The following RSRC1 variants were observed in gnomAD, a reference collection of about 807,000 sequenced individuals.
The protein encoded by RSRC1 is serine/Arginine-related protein 53.
RSRC1 carries 39 observed loss-of-function variants against 49.1 expected under a neutral mutation model. That is an observed-to-expected ratio of 0.79 (90% CI 0.61 to 1.04). The LOEUF is 1.04. RSRC1 is among the 50% of genes least tolerant of loss of function. RSRC1 has a pLI of 0.00. For synonymous variants in RSRC1, 143 were observed against 130.8 expected, an observed-to-expected ratio of 1.09 and a Z score of -0.63; for missense variants, 388 against 402.4, an observed-to-expected ratio of 0.96 and a Z score of 0.31.
intron 7 of RSRC1, among the ~76,000 whole-genome samples, chr3:158,495,162 C>A (rs939302098): frequency 1.3e-5 from 2 of 152,062 alleles, no homozygotes; most frequent in African/African-American, 4.8e-5. Context: ...GTGGAACCAC[C>A]GTTGTGTATT....
At chr3:158,304,110 A>G (rs1473147119) in intron 5 of RSRC1, among the ~76,000 whole-genome samples, 2 of 152,136 alleles carry the variant, frequency 1.3e-5, no homozygotes, top group African/African-American at 4.8e-5. Flanking sequence ...GTGATGTCCT[A>G]CTTGTCCTTG....
intron 5 of RSRC1, among the ~76,000 whole-genome samples, chr3:158,330,917 C>T (rs965540859): frequency 2.7e-5 from 4 of 148,788 alleles, no homozygotes; most frequent in South Asian, 2.1e-4. Flanking sequence ...TTAATGGACT[C>T]ACAGCTCCAT....
At chr3:158,522,370 A>C (rs1434124972) in intron 7 of RSRC1, among the ~76,000 whole-genome samples, 1 of 152,088 alleles carries the variant, frequency 6.6e-6, no homozygotes, top group Non-Finnish European at 1.5e-5. Flanking sequence ...GCAGTGGCAC[A>C]ATCACGGCTC....
chr3:158,292,388 A>G (rs1156902951), intron 4 of RSRC1, among the ~76,000 whole-genome samples: 1 of 152,194 alleles, frequency 6.6e-6, no homozygotes, highest in Non-Finnish European at 1.5e-5. Flanking sequence ...AGGGAAACTC[A>G]TGGTTCCCAG....
chr3:158,136,391 A>G (rs1343975628), intron 3 of RSRC1, among the ~76,000 whole-genome samples: 1 of 152,220 alleles, frequency 6.6e-6, no homozygotes, highest in Non-Finnish European at 1.5e-5. Context: ...CTGAACAATT[A>G]CATTGATGCT....
intron 7 of RSRC1, among the ~76,000 whole-genome samples, chr3:158,516,753 G>A (rs533148543): frequency 3.9e-5 from 6 of 152,348 alleles, no homozygotes; most frequent in Non-Finnish European, 5.9e-5. Flanking sequence ...GCGAGACTCC[G>A]TGGGCGTAGG....
chr3:158,476,728 C>T (rs1015641351), intron 7 of RSRC1, among the ~76,000 whole-genome samples: 1 of 152,126 alleles, frequency 6.6e-6, no homozygotes, highest in Non-Finnish European at 1.5e-5. Context: ...CCTGCTAACC[C>T]AGCATTTGTT....
chr3:158,405,392 A>T (rs1175799917), intron 6 of RSRC1, among the ~76,000 whole-genome samples: 2 of 152,082 alleles, frequency 1.3e-5, no homozygotes, highest in Non-Finnish European at 2.9e-5. Flanking sequence ...TAATTTTATG[A>T]ACTGGTAAAC....
intron 7 of RSRC1, among the ~76,000 whole-genome samples, chr3:158,519,192 G>A (rs568251515): frequency 6.6e-6 from 1 of 152,096 alleles, no homozygotes; most frequent in South Asian, 2.1e-4. Flanking sequence ...ACAAATTTTT[G>A]TTAATTCTAC....
intron 4 of RSRC1, among the ~76,000 whole-genome samples, chr3:158,261,514 CT>C (rs1456175667): frequency 5.3e-5 from 8 of 152,148 alleles, no homozygotes; most frequent in Non-Finnish European, 8.8e-5. Context: ...GATTCAAGTA[CT>C]TTAACACAGA....
At chr3:158,190,929 T>A (rs1720206996) in intron 3 of RSRC1, among the ~76,000 whole-genome samples, 2 of 151,964 alleles carry the variant, frequency 1.3e-5, no homozygotes, top group South Asian at 4.1e-4. Context: ...TTCTTTTATT[T>A]TATTAGAAAT....
At chr3:158,432,880 CAG>C (rs1735845433) in intron 6 of RSRC1, among the ~76,000 whole-genome samples, 1 of 151,724 alleles carries the variant, frequency 6.6e-6, no homozygotes, top group Admixed American at 6.6e-5. Context: ...TATACACACA[CAG>C]AGTGAGTCTA....
intron 7 of RSRC1, among the ~76,000 whole-genome samples, chr3:158,526,529 C>A (rs1712036662): frequency 6.6e-6 from 1 of 151,988 alleles, no homozygotes; most frequent in African/African-American, 2.4e-5. Context: ...GATAAAAGTT[C>A]TAAATAAGAA....
At chr3:158,535,034 T>C (rs1379711793) in intron 7 of RSRC1, among the ~76,000 whole-genome samples, 1 of 151,356 alleles carries the variant, frequency 6.6e-6, no homozygotes, top group Non-Finnish European at 1.5e-5. Context: ...GTAAATATTT[T>C]TTGCAACTAA....
chr3:158,288,603 A>T (rs1018651637), intron 4 of RSRC1, among the ~76,000 whole-genome samples: 2 of 152,114 alleles, frequency 1.3e-5, no homozygotes, highest in Middle Eastern at 3.2e-3. Flanking sequence ...TTCCCCCGGT[A>T]TCTGTGGGAT....
chr3:158,154,888 G>A (rs1439330803), intron 3 of RSRC1, among the ~76,000 whole-genome samples: 1 of 152,190 alleles, frequency 6.6e-6, no homozygotes, highest in Non-Finnish European at 1.5e-5. Flanking sequence ...ACCAGCAGTG[G>A]ATTCTATCTC....
intron 5 of RSRC1, among the ~76,000 whole-genome samples, chr3:158,342,691 G>T (rs1730322089): frequency 6.6e-6 from 1 of 152,156 alleles, no homozygotes; most frequent in South Asian, 2.1e-4. Context: ...AGTATTAAAA[G>T]AAATAATAGA....
At chr3:158,431,003 G>A (rs1306559294) in intron 6 of RSRC1, among the ~76,000 whole-genome samples, 2 of 151,870 alleles carry the variant, frequency 1.3e-5, no homozygotes, top group Non-Finnish European at 2.9e-5. Context: ...TTAGCATATT[G>A]TAGATTCTGA....
chr3:158,389,825 G>A (rs1367015411), intron 6 of RSRC1, among the ~76,000 whole-genome samples: 1 of 152,100 alleles, frequency 6.6e-6, no homozygotes, highest in Non-Finnish European at 1.5e-5. Flanking sequence ...AGCAGTGCAG[G>A]ATATCTAGAA....
Sources: gnomAD v4.1 joint callset for allele counts (sites outside exome capture counted in the v4.1 genomes callset) on GRCh38, gnomAD v4.1.1 for gene constraint, MANE v1.5 for transcripts, NCBI Gene and HGNC (gene_info 2026-07-23, HGNC 2026-07-21) for gene names.